TNRC6A: variants seen among roughly 807,000 people sequenced by gnomAD.
The protein encoded by TNRC6A is trinucleotide repeat-containing gene 6A protein.
TNRC6A carries 44 observed loss-of-function variants against 221.2 expected under a neutral mutation model. The ratio of observed to expected loss-of-function variants is 0.20; its 90% CI spans 0.16 to 0.26. The LOEUF is 0.26. Ranked by LOEUF, TNRC6A falls within the 10% of genes least tolerant of loss-of-function variation. TNRC6A has a pLI of 1.00. For missense variants in TNRC6A, 2,199 were observed against 2,404.4 expected, an observed-to-expected ratio of 0.91 and a Z score of 1.79; for synonymous variants, 847 against 838.5, an observed-to-expected ratio of 1.01 and a Z score of -0.18.
upstream of TNRC6A, among the ~76,000 whole-genome samples, chr16:24,728,551 G>T (rs948434951): frequency 1.9e-4 from 29 of 152,118 alleles, no homozygotes; most frequent in Non-Finnish European, 1.5e-4. Context: ...TTCTGAGAAA[G>T]TAAAGGTTAT....
chr16:24,737,924 T>A (rs2056806873), intron 2 of TNRC6A, among the ~76,000 whole-genome samples: 1 of 152,230 alleles, frequency 6.6e-6, no homozygotes, highest in Non-Finnish European at 1.5e-5. Flanking sequence ...ATTTATTCCT[T>A]GATAATTGAC....
Position 24,793,613 on chromosome 16 carries a change from T to C in TNRC6A, c.3316T>C (p.Ser1106Pro). 6.5e-7 allele frequency: 1 copy of C among 1,546,330 alleles called. No homozygotes were observed. The highest frequency in any genetic ancestry group is 8.7e-7 in the Non-Finnish European group (1 of 1,145,118). Residue 1106 changes from serine (S) to proline (P), a missense_variant, in exon 7 of 25, where the codon TCC (serine) becomes CCC (proline). Coordinates refer to ENST00000395799, the MANE Select transcript of TNRC6A (RefSeq NM_014494.4). ...AAASSTSTWG[S>P]SSVGPQALSK... ...GGCATCCAGCACATCCACGTGGGGC[T>C]CCAGCTCTGTTGGTCCACAAGCATT...
intron 2 of TNRC6A, among the ~76,000 whole-genome samples, chr16:24,644,389 G>A (rs1902166857): frequency 6.6e-6 from 1 of 151,798 alleles, no homozygotes; most frequent in African/African-American, 2.4e-5. Context: ...TAACCTCCTG[G>A]GCTCAAGTAA....
In TNRC6A at chr16:24,820,353, T is replaced by C. The variant is rs779270720; in HGVS notation, c.5295T>C (p.Tyr1765=). 9 of 1,614,130 alleles carry C rather than the reference T, an allele frequency of 5.6e-6. No homozygotes were observed. The highest frequency in any genetic ancestry group is 3.3e-4 in the Middle Eastern group (2 of 6,062). The change falls in exon 22 of 25, where the codon TAT becomes TAC. Residue 1765 remains tyrosine (Y), a synonymous_variant. Transcript: ENST00000395799. ...GATGGGGAAATTCTGACGCCAGATA[T>C]ACCCCAGGTAAGATGCAGTCGTAAG... The part of the protein sequence containing the change: ...GGGWGNSDAR[Y]TPGSSWGESS...
At chr16:24,757,132 A>C (rs1004413093) in intron 3 of TNRC6A, among the ~76,000 whole-genome samples, 1 of 152,024 alleles carries the variant, frequency 6.6e-6, no homozygotes, top group Non-Finnish European at 1.5e-5. Flanking sequence ...TTTCCATCAA[A>C]ATTTTTTTTT....
chr16:24,795,721 T>G (rs2058204908), intron 8 of TNRC6A, 186 bp from the exon 9 acceptor site: 1 of 483,444 alleles, frequency 2.1e-6, no homozygotes, highest in Non-Finnish European at 3.7e-6. Context: ...ACATAAGTCA[T>G]TTGATCCTCA....
In TNRC6A at chr16:24,820,426, C is replaced by G; in HGVS notation, c.5302+66C>G. Reference sequence around the variant, plus strand: ...CTAAACGCTAACCAGTACTAACAGTCGAGTTTAACAGAGACCTGAACGGTA... The same window carrying G: ...CTAAACGCTAACCAGTACTAACAGTGGAGTTTAACAGAGACCTGAACGGTA... On this transcript the variant is annotated intron_variant, in intron 22 of 24. Coordinates refer to ENST00000395799, the MANE Select transcript of TNRC6A (RefSeq NM_014494.4). The G allele has an allele frequency of 2.1e-6, 3 of 1,443,418 alleles. No individual in the cohort carries two copies. The Admixed American group carries it at 5.3e-5, about 25-fold the overall frequency. 89.4% of individuals were successfully genotyped at this position (1,443,418 alleles called of 1,614,324 possible).
chr16:24,649,819 T>C (rs1335473204), intron 2 of TNRC6A, among the ~76,000 whole-genome samples: 43 of 96,620 alleles, frequency 4.5e-4, no homozygotes, highest in African/African-American at 1.7e-3. Context: ...TCTCTCTCTT[T>C]TTTTTTTTTT....
At chr16:24,642,744 C>G (rs962708581) in intron 2 of TNRC6A, among the ~76,000 whole-genome samples, 5 of 151,952 alleles carry the variant, frequency 3.3e-5, no homozygotes, top group African/African-American at 4.8e-5. Flanking sequence ...CTCTTGAACC[C>G]GGAAGGTGGA....
chr16:24,698,256 A>T (rs2055902295), intron 2 of TNRC6A, among the ~76,000 whole-genome samples: 1 of 152,160 alleles, frequency 6.6e-6, no homozygotes, highest in Non-Finnish European at 1.5e-5. Flanking sequence ...TGGATTCACA[A>T]GCACATTCAT....
intron 2 of TNRC6A, among the ~76,000 whole-genome samples, chr16:24,678,994 ATTTT>A (rs10556464): frequency 1.6e-4 from 22 of 135,896 alleles, no homozygotes; most frequent in Non-Finnish European, 1.6e-4. Flanking sequence ...AAAACATTGA[ATTTT>A]TTTTTTTTTT....
chr16:24,675,666 C>CTG (rs2055395949), intron 2 of TNRC6A, among the ~76,000 whole-genome samples: 2 of 53,280 alleles, frequency 3.8e-5, no homozygotes, highest in Non-Finnish European at 7.1e-5. Context: ...GAGACTCTCT[C>CTG]TCTCTCTCTC....
intron 1 of TNRC6A, among the ~76,000 whole-genome samples, chr16:24,631,856 G>C (rs1026133165): frequency 3.3e-5 from 5 of 151,438 alleles, no homozygotes. Flanking sequence ...TTCTTTTCTT[G>C]TTTGTTTGAG....
At chr16:24,746,188 A>G (rs1330017840) in intron 2 of TNRC6A, among the ~76,000 whole-genome samples, 1 of 152,106 alleles carries the variant, frequency 6.6e-6, no homozygotes, top group Non-Finnish European at 1.5e-5. Flanking sequence ...AACCTGTACC[A>G]AATGTTTGCT....
intron 4 of TNRC6A, among the ~76,000 whole-genome samples, chr16:24,771,155 A>G (rs949051214): frequency 1.3e-5 from 2 of 152,242 alleles, no homozygotes; most frequent in African/African-American, 2.4e-5. Context: ...TTTTAAATGT[A>G]TGTATGTTCG....
chr16:24,809,271 C>T, intron 17 of TNRC6A, 79 bp from the exon 18 acceptor site: 4 of 1,288,542 alleles, frequency 3.1e-6, no homozygotes, highest in Non-Finnish European at 4.1e-6. Flanking sequence ...ACATGTTTTT[C>T]TAGGAAATAG....
chr16:24,794,061 A>G (rs2058168220), intron 7 of TNRC6A, among the ~76,000 whole-genome samples: 1 of 152,200 alleles, frequency 6.6e-6, no homozygotes, highest in Admixed American at 6.5e-5. Context: ...CAAGATTGAA[A>G]TTAACATTGT....
chr16:24,650,411 T>C (rs1902574418), intron 2 of TNRC6A, among the ~76,000 whole-genome samples: 1 of 151,738 alleles, frequency 6.6e-6, no homozygotes, highest in Non-Finnish European at 1.5e-5. Flanking sequence ...ACGCCTGTAA[T>C]CCCAGCACTT....
chr16:24,682,005 G>A (rs1285676885), intron 2 of TNRC6A, among the ~76,000 whole-genome samples: 1 of 152,052 alleles, frequency 6.6e-6, no homozygotes, highest in East Asian at 1.9e-4. Context: ...CCACGGCCTC[G>A]CCAGTATAAG....
Sources: gnomAD v4.1 joint callset for allele counts (sites outside exome capture counted in the v4.1 genomes callset) on GRCh38, gnomAD v4.1.1 for gene constraint, MANE v1.5 for transcripts, NCBI Gene and HGNC (gene_info 2026-07-23, HGNC 2026-07-21) for gene names.